Variants in ADCYAP1R1 observed in about 807,000 individuals in gnomAD.
ADCYAP1R1 encodes the protein pituitary adenylate cyclase-activating polypeptide type I receptor.
ADCYAP1R1 carries 44 observed loss-of-function variants against 67.6 expected under a neutral mutation model. That is an observed-to-expected ratio of 0.65 (90% CI 0.51 to 0.84). ADCYAP1R1 has a LOEUF of 0.84. Ranked by LOEUF, ADCYAP1R1 falls within the 40% of genes least tolerant of loss-of-function variation. ADCYAP1R1 has a pLI of 0.00. For missense variants in ADCYAP1R1, 477 were observed against 587.9 expected (o/e 0.81, Z 1.95); for synonymous variants, 222 against 219.6 (o/e 1.01, Z -0.10).
In ADCYAP1R1 at chr7:31,086,840, G is replaced by A. The variant is rs1332307758; in HGVS notation, c.824-103G>A. 8.0e-7 allele frequency: 1 copy of A among 1,254,994 alleles called. No individual in the cohort carries two copies. Among genetic ancestry groups the A allele is most frequent in the African/African-American group, 1.5e-5 (1 of 67,548 alleles). The allele number at this position is 1,254,994 out of a possible 1,614,324, so 77.7% of individuals were successfully genotyped here. On this transcript the variant is annotated intron_variant, in intron 10 of 15. Coordinates refer to ENST00000304166, the MANE Select transcript of ADCYAP1R1 (RefSeq NM_001118.5). The surrounding 1 kb of genome is among the most constrained non-coding windows in gnomAD (Gnocchi z 5.0). ...CAGTTAGAATTCCCAGGAATTCCAA[G>A]TCTCATGGGGGAGCAATAGCCTCTC...
intron 3 of ADCYAP1R1, among the ~76,000 whole-genome samples, chr7:31,070,869 G>A (rs772470467): frequency 2.0e-5 from 3 of 152,170 alleles, no homozygotes; most frequent in Non-Finnish European, 4.4e-5. Flanking sequence ...TGATTTTGCC[G>A]GTCTGTGGTC....
At chr7:31,099,067 A>G (rs1436119374) in intron 13 of ADCYAP1R1, among the ~76,000 whole-genome samples, 1 of 152,200 alleles carries the variant, frequency 6.6e-6, no homozygotes, top group Admixed American at 6.5e-5. Flanking sequence ...GTGTCAGCCC[A>G]AGTCCAAGCA....
At chr7:31,087,306 T>C (rs1290598900) in intron 11 of ADCYAP1R1, among the ~76,000 whole-genome samples, 1 of 151,978 alleles carries the variant, frequency 6.6e-6, no homozygotes, top group Non-Finnish European at 1.5e-5. Context: ...GAGGGGGAGG[T>C]CACATCCTAA....
At chr7:31,098,528 G>A (rs529494182) in intron 13 of ADCYAP1R1, among the ~76,000 whole-genome samples, 52 of 152,304 alleles carry the variant, frequency 3.4e-4, no homozygotes, top group African/African-American at 1.2e-3. Context: ...CTCAGGTGGT[G>A]TTGGTGTTGA....
chr7:31,085,282 T>G (rs1244001761), intron 8 of ADCYAP1R1, 28 bp from the exon 9 acceptor site: 1 of 1,606,364 alleles, frequency 6.2e-7, no homozygotes, highest in Non-Finnish European at 8.5e-7. Flanking sequence ...GGTCCAAGGC[T>G]TCTTTCTCCC....
chr7:31,085,515 G>A (rs545176707), intron 9 of ADCYAP1R1, 73 bp downstream of exon 9: 39 of 1,508,950 alleles, frequency 2.6e-5, no homozygotes, highest in Middle Eastern at 2.3e-4. Context: ...TCCCCAGGAC[G>A]CACATTACCT....
intron 5 of ADCYAP1R1, 93 bp downstream of exon 5, chr7:31,080,726 T>C: frequency 7.3e-7 from 1 of 1,376,600 alleles, no homozygotes; most frequent in Non-Finnish European, 1.0e-6. Flanking sequence ...GCTGCTGGGA[T>C]TGGGGTGGGG....
intron 14 of ADCYAP1R1, among the ~76,000 whole-genome samples, 186 bp downstream of exon 14, chr7:31,103,552 T>A (rs550459797): frequency 6.6e-6 from 1 of 152,292 alleles, no homozygotes; most frequent in African/African-American, 2.4e-5. Flanking sequence ...TGTCTGCCCA[T>A]CACTGCATCT....
intron 13 of ADCYAP1R1, chr7:31,100,233 G>T: frequency 6.5e-7 from 1 of 1,549,162 alleles, no homozygotes; most frequent in Non-Finnish European, 8.7e-7. Flanking sequence ...GGCCGAGGCT[G>T]TGGCCGGGAA....
rs148759307 is a variant in ADCYAP1R1 at position 31,086,966 on chromosome 7, G to C, written c.847G>C (p.Val283Leu). ...GWGTPTVCVT[V>L]WATLRLYFDD... is the part of the protein sequence containing the mutation. ...AGGGACCCCAACTGTGTGTGTGACA[G>C]TGTGGGCTACGCTGAGACTCTACTT... The change falls in exon 11 of 16, where the codon GTG becomes CTG. Residue 283 changes from valine to leucine, a missense_variant. Coordinates refer to ENST00000304166, the MANE Select transcript of ADCYAP1R1 (RefSeq NM_001118.5). The surrounding 1 kb of genome is among the most constrained non-coding windows in gnomAD (Gnocchi z 5.0). 491 of 1,614,188 alleles carry C rather than the reference G, an allele frequency of 3.0e-4. 3 individuals are homozygous for C. In the African/African-American group the frequency reaches 5.5e-3, roughly 18 times the overall value.
rs569005842 is a variant in ADCYAP1R1 at position 31,100,578 on chromosome 7, G to A, written c.1047-2659G>A. On this transcript the variant is annotated intron_variant, in intron 13 of 15. Transcript: ENST00000304166. Reference sequence around the variant, plus strand: ...GAGTCTTAGAGCCTGAGTTCGTATAGACCTTCCCCCACACAGGGCAGGGAA... The same window carrying A: ...GAGTCTTAGAGCCTGAGTTCGTATAAACCTTCCCCCACACAGGGCAGGGAA... 3.9e-5 allele frequency among the ~76,000 whole-genome samples: 6 copies of A among 152,254 alleles called. No homozygotes were observed. The South Asian group carries it at 1.0e-3, about 26-fold the overall frequency.
In ADCYAP1R1 at chr7:31,108,595, C is replaced by G. The variant is rs1796734437; in HGVS notation, c.*1911C>G. ...CTGCTGTGACTGTGGACACGATGCTCCTTGTTCTGGGCTCCAGTTTTCCCA... is the reference window on the plus strand; with the variant it reads ...CTGCTGTGACTGTGGACACGATGCTGCTTGTTCTGGGCTCCAGTTTTCCCA... On this transcript the variant is annotated 3_prime_UTR_variant, in exon 16 of 16. Transcript: ENST00000304166. 1 of 152,214 alleles carries G rather than the reference C, an allele frequency of 6.6e-6. No homozygotes were observed. Among genetic ancestry groups the G allele is most frequent in the African/African-American group, 2.4e-5 (1 of 41,438 alleles). The allele number at this position is 152,214 out of a possible 1,614,324, so 9.4% of individuals were successfully genotyped here.
In ADCYAP1R1 at chr7:31,109,922, C is replaced by T. The variant is rs1428297785; in HGVS notation, c.*3238C>T. On this transcript the variant is annotated 3_prime_UTR_variant, in exon 16 of 16. Coordinates refer to ENST00000304166, the MANE Select transcript of ADCYAP1R1 (RefSeq NM_001118.5). ...CTATCCCAGTGTGTAGCTCTGTCAC[C>T]CTGCTTGACACATCCAGTGGCCTAC... 1 of 152,044 alleles carries T rather than the reference C, an allele frequency of 6.6e-6. No individual in the cohort carries two copies. The highest frequency in any genetic ancestry group is 1.5e-5 in the Non-Finnish European group (1 of 68,078). The allele number at this position is 152,044 out of a possible 1,614,324, so 9.4% of individuals were successfully genotyped here.
chr7:31,085,374 A>G lies in ADCYAP1R1; in HGVS notation c.601A>G (p.Ile201Val), dbSNP rs1795697157. 1 of 1,614,060 alleles carries G rather than the reference A, an allele frequency of 6.2e-7. No homozygotes were observed. The highest frequency in any genetic ancestry group is 1.1e-5 in the South Asian group (1 of 91,080). The change falls in exon 9 of 16, where the codon ATC (isoleucine) becomes GTC (valine). Residue 201 changes from isoleucine (I) to valine (V), a missense_variant. Transcript: ENST00000304166. The part of the protein sequence containing the change: ...NLFVSFMLRA[I>V]SVFIKDWILY... ...GTTTGTGTCGTTCATGCTGAGGGCG[A>G]TCTCCGTCTTCATCAAAGACTGGAT... is the stretch of plus-strand genomic sequence containing the variant.
intron 3 of ADCYAP1R1, among the ~76,000 whole-genome samples, chr7:31,071,096 A>G (rs1794956626): frequency 6.6e-6 from 1 of 152,214 alleles, no homozygotes; most frequent in South Asian, 2.1e-4. Flanking sequence ...GTGGCTTCTC[A>G]AAGGGAGGAC....
chr7:31,092,338 C>T (rs1393503729), intron 12 of ADCYAP1R1, among the ~76,000 whole-genome samples: 2 of 151,922 alleles, frequency 1.3e-5, no homozygotes, highest in Non-Finnish European at 2.9e-5. Context: ...CTCTTTTGGG[C>T]TGTAGTTTTC....
At chr7:31,068,973 C>CCT (rs1794859369) in intron 3 of ADCYAP1R1, among the ~76,000 whole-genome samples, 1 of 152,220 alleles carries the variant, frequency 6.6e-6, no homozygotes, top group Non-Finnish European at 1.5e-5. Flanking sequence ...GGCCTCTACC[C>CCT]CTCTCATCAT....
Position 31,063,224 on chromosome 7 carries a change from T to C in ADCYAP1R1, c.-41T>C, listed in dbSNP as rs1172364880. ...AGACACATTGGGGCTGACCTGCCGC[T>C]GCTGTCAGTGGGAGGCCAGTGGTGC... On this transcript the variant is annotated 5_prime_UTR_variant, in exon 2 of 16. Coordinates refer to ENST00000304166, the MANE Select transcript of ADCYAP1R1 (RefSeq NM_001118.5). 3 of 1,613,606 alleles carry C rather than the reference T, an allele frequency of 1.9e-6. No homozygotes were observed. The Admixed American group carries it at 5.0e-5, about 27-fold the overall frequency.
At position 31,100,034 on chromosome 7, in the gene ADCYAP1R1, A is replaced by G. The variant is rs147104507; in HGVS notation, c.1047-3203A>G. 1,864 of 1,274,028 alleles carry G rather than the reference A, an allele frequency of 1.5e-3. 27 individuals carry two copies. The highest frequency in any genetic ancestry group is 0.014 in the South Asian group (1,072 of 76,334). 78.9% of individuals were successfully genotyped at this position (1,274,028 alleles called of 1,614,324 possible). A position where few individuals can be genotyped will look rare whatever the true frequency, so the allele number is the denominator to read the frequency against. ...ACATGACTGCCCTGGCCCTGTCTCC[A>G]TACCCTCCTCTTTTCTGCTTTCCCT... On this transcript the variant is annotated intron_variant, in intron 13 of 15. Transcript: ENST00000304166.
Sources: gnomAD v4.1 joint callset for allele counts (sites outside exome capture counted in the v4.1 genomes callset) on GRCh38, gnomAD v4.1.1 for gene constraint, Gnocchi (gnomAD v3.1) non-coding constraint, MANE v1.5 for transcripts, NCBI Gene and HGNC (gene_info 2026-07-23, HGNC 2026-07-21) for gene names.